MYO1E: variants seen among roughly 807,000 people sequenced by gnomAD.
MYO1E encodes the protein myosin IE.
A neutral mutation model predicts 151.1 loss-of-function variants in MYO1E; 68 were observed. The observed-to-expected ratio is 0.45, with a 90% CI of 0.37 to 0.55. The LOEUF (loss-of-function observed/expected upper bound fraction) is 0.55. Among genes scored for constraint, MYO1E ranks in the 20% least tolerant of loss-of-function variants. MYO1E has a pLI of 0.00. For synonymous variants in MYO1E, 601 were observed against 501.7 expected (o/e 1.20, Z -2.64); for missense variants, 1,363 against 1,389.3 (o/e 0.98, Z 0.30).
At chr15:59,198,891 T>G (rs1253301544) in intron 16 of MYO1E, among the ~76,000 whole-genome samples, 1 of 151,904 alleles carries the variant, frequency 6.6e-6, no homozygotes, top group African/African-American at 2.4e-5. Context: ...ATGCCTGTAC[T>G]TCCTCTGTCA....
chr15:59,145,218 G>A (rs1596340461), intron 26 of MYO1E, among the ~76,000 whole-genome samples: 1 of 152,184 alleles, frequency 6.6e-6, no homozygotes, highest in Non-Finnish European at 1.5e-5. Flanking sequence ...CCTACTCCCA[G>A]CCGAGGCAAT....
intron 26 of MYO1E, among the ~76,000 whole-genome samples, chr15:59,151,042 C>G (rs1191393510): frequency 1.6e-5 from 2 of 128,006 alleles, no homozygotes; most frequent in Non-Finnish European, 3.1e-5. Context: ...CACACACACA[C>G]ACACACACGC....
In MYO1E at chr15:59,134,106, G is replaced by A. The variant is rs2079358688; in HGVS notation, c.*3274C>T. ...CAGCCCCCTTGAGTTGAGGCCACAT[G>A]ACTAAGCTCTGGCCAGCAGAATATT... On this transcript the variant is annotated 3_prime_UTR_variant, in exon 28 of 28. Transcript: ENST00000288235. 6.6e-6 allele frequency: 1 copy of A among 152,328 alleles called. No homozygotes were observed. The highest frequency in any genetic ancestry group is 1.5e-5 in the Non-Finnish European group (1 of 68,114). The allele number at this position is 152,328 out of a possible 1,614,324, so 9.4% of individuals were successfully genotyped here. A position where few individuals can be genotyped will look rare whatever the true frequency, so the allele number is the denominator to read the frequency against.
At chr15:59,280,784 C>A (rs1278989822) in intron 1 of MYO1E, among the ~76,000 whole-genome samples, 1 of 151,922 alleles carries the variant, frequency 6.6e-6, no homozygotes, top group Non-Finnish European at 1.5e-5. Context: ...TTACTAAGGG[C>A]CAGGTACTCT....
intron 16 of MYO1E, among the ~76,000 whole-genome samples, chr15:59,196,986 CTTTTTTTTTTTTT>C (rs71977305): frequency 1.4e-5 from 1 of 71,492 alleles, no homozygotes; most frequent in South Asian, 7.2e-4. Flanking sequence ...TTAATTACGA[CTTTTTTTTTTTTT>C]TTTTTTTTTT....
At chr15:59,291,773 A>C (rs563156519) in intron 1 of MYO1E, among the ~76,000 whole-genome samples, 1 of 151,200 alleles carries the variant, frequency 6.6e-6, no homozygotes, top group Non-Finnish European at 1.5e-5. Context: ...ATGCCGAGGA[A>C]GATAAAAAGC....
Position 59,372,839 on chromosome 15 carries a change from G to C in MYO1E, c.-339C>G, listed in dbSNP as rs1391166885. On this transcript the variant is annotated 5_prime_UTR_variant, in exon 1 of 28. Coordinates refer to ENST00000288235, the MANE Select transcript of MYO1E (RefSeq NM_004998.4). The stretch of plus-strand genomic sequence containing the variant: ...CCCCTGCCTCACTCCTCTTTCTTCG[G>C]CCACTTAATCCGTACTCCTCTGGCT... 2.3e-6 allele frequency: 1 copy of C among 435,538 alleles called. No individual in the cohort carries two copies. The highest frequency in any genetic ancestry group is 4.0e-5 in the Admixed American group (1 of 25,014). 27.0% of individuals were successfully genotyped at this position (435,538 alleles called of 1,614,324 possible).
chr15:59,358,715 G>C (rs2080868344), intron 1 of MYO1E, among the ~76,000 whole-genome samples: 1 of 152,164 alleles, frequency 6.6e-6, no homozygotes, highest in Non-Finnish European at 1.5e-5. Flanking sequence ...TTATGTCCCT[G>C]ACATATTTAT....
chr15:59,309,417 T>C (rs1395646068), intron 1 of MYO1E, among the ~76,000 whole-genome samples: 2 of 152,208 alleles, frequency 1.3e-5, no homozygotes, highest in African/African-American at 4.8e-5. Flanking sequence ...GGATTTTCCA[T>C]TGTTCCAAGA....
chr15:59,251,964 T>A (rs2140367913), intron 4 of MYO1E, among the ~76,000 whole-genome samples: 1 of 152,342 alleles, frequency 6.6e-6, no homozygotes, highest in East Asian at 1.9e-4. Flanking sequence ...ATAATATTGG[T>A]ATTGTTACTT....
chr15:59,297,460 T>TTTTTTTTTTTTTTTTTG, intron 1 of MYO1E, among the ~76,000 whole-genome samples: 1 of 147,946 alleles, frequency 6.8e-6, no homozygotes, highest in Non-Finnish European at 1.5e-5. Flanking sequence ...TTTTTTTTTT[T>TTTTTTTTTTTTTTTTTG]TAGTAGGGAT....
intron 1 of MYO1E, among the ~76,000 whole-genome samples, chr15:59,276,487 T>C (rs965870670): frequency 6.6e-6 from 1 of 152,162 alleles, no homozygotes; most frequent in Non-Finnish European, 1.5e-5. Context: ...GTTACTCTTA[T>C]CCCTGACACT....
At chr15:59,249,652 AG>A (rs2080152255) in intron 4 of MYO1E, among the ~76,000 whole-genome samples, 1 of 152,178 alleles carries the variant, frequency 6.6e-6, no homozygotes, top group African/African-American at 2.4e-5. Flanking sequence ...CATAGAAATT[AG>A]GTCATCGCTC....
At chr15:59,275,988 C>A (rs1193144135) in intron 1 of MYO1E, among the ~76,000 whole-genome samples, 1 of 152,146 alleles carries the variant, frequency 6.6e-6, no homozygotes, top group African/African-American at 2.4e-5. Flanking sequence ...TGTGGTGGGG[C>A]ATTGTTACCA....
chr15:59,330,289 T>G (rs74017736), intron 1 of MYO1E, among the ~76,000 whole-genome samples: 1,615 of 152,286 alleles, frequency 0.011, 27 homozygotes, highest in African/African-American at 0.037. Flanking sequence ...AGGTACCTAA[T>G]GTTGACTTCA....
intron 26 of MYO1E, among the ~76,000 whole-genome samples, chr15:59,144,021 G>A (rs1442260812): frequency 6.6e-6 from 1 of 152,168 alleles, no homozygotes; most frequent in Non-Finnish European, 1.5e-5. Flanking sequence ...GGGGCCTCAA[G>A]CTCTATGTTG....
At position 59,372,603 on chromosome 15, in the gene MYO1E, CA is replaced by C; in HGVS notation, c.-104del. ...AACTTCAAAAGTTGGTTCCCCTCGCCAAAAACAGGCTCCCGACACCCAAGCA... is the reference window on the plus strand; with the variant it reads ...AACTTCAAAAGTTGGTTCCCCTCGCCAAAACAGGCTCCCGACACCCAAGCA... On this transcript the variant is annotated 5_prime_UTR_variant, in exon 1 of 28. Transcript: ENST00000288235. The C allele has an allele frequency of 8.4e-6, 12 of 1,422,070 alleles. No homozygotes were observed. The highest frequency in any genetic ancestry group is 2.6e-5 in the East Asian group (1 of 39,086). 88.1% of individuals were successfully genotyped at this position (1,422,070 alleles called of 1,614,324 possible). A position where few individuals can be genotyped will look rare whatever the true frequency, so the allele number is the denominator to read the frequency against.
chr15:59,189,420 CTTTCCT>C (rs1283684354), intron 17 of MYO1E, among the ~76,000 whole-genome samples: 1 of 151,948 alleles, frequency 6.6e-6, no homozygotes. Context: ...TTCCCTTTCC[CTTTCCT>C]TTCTTTCTTT....
At position 59,134,607 on chromosome 15, in the gene MYO1E, C is replaced by G. The variant is rs1387736563; in HGVS notation, c.*2773G>C. 6.6e-6 allele frequency: 1 copy of G among 152,276 alleles called. No homozygotes were observed. Among genetic ancestry groups the G allele is most frequent in the East Asian group, 1.9e-4 (1 of 5,206 alleles). The allele number at this position is 152,276 out of a possible 1,614,324, so 9.4% of individuals were successfully genotyped here. A position where few individuals can be genotyped will look rare whatever the true frequency, so the allele number is the denominator to read the frequency against. On this transcript the variant is annotated 3_prime_UTR_variant, in exon 28 of 28. Coordinates refer to ENST00000288235, the MANE Select transcript of MYO1E (RefSeq NM_004998.4). ...TTGAACACCTCTACCCTAGGGTACA[C>G]AGTCAGGCCTTCTCATTTAGTTCCT...
Sources: gnomAD v4.1 joint callset for allele counts (sites outside exome capture counted in the v4.1 genomes callset) on GRCh38, gnomAD v4.1.1 for gene constraint, MANE v1.5 for transcripts, NCBI Gene and HGNC (gene_info 2026-07-23, HGNC 2026-07-21) for gene names.